Variants in EXOC5 observed in about 807,000 individuals in gnomAD.
The protein encoded by EXOC5 is exocyst complex component 5.
EXOC5 carries 17 observed loss-of-function variants against 90.8 expected under a neutral mutation model. That is an observed-to-expected ratio of 0.19 (90% CI 0.13 to 0.28). The LOEUF is 0.28. Among genes scored for constraint, EXOC5 ranks in the 10% least tolerant of loss-of-function variants. The probability of loss-of-function intolerance (pLI) is 1.00; values close to 1 mark genes in which losing one functional copy is unlikely to be tolerated. For synonymous variants in EXOC5, 260 were observed against 270.0 expected, an observed-to-expected ratio of 0.96 and a Z score of 0.36; for missense variants, 569 against 830.6, an observed-to-expected ratio of 0.69 and a Z score of 3.87.
Position 57,209,866 on chromosome 14 carries a change from A to G in EXOC5, c.1723-84T>C. On this transcript the variant is annotated intron_variant, in intron 16 of 17. Transcript: ENST00000621441. ...AAATACAGTTTCTCATTAATCTTTAAGTATAAAAGAAAAAAATCTAGGGCA... is the reference window on the plus strand; with the variant it reads ...AAATACAGTTTCTCATTAATCTTTAGGTATAAAAGAAAAAAATCTAGGGCA... 4 of 1,242,508 alleles carry G rather than the reference A, an allele frequency of 3.2e-6. No homozygotes were observed. In the East Asian group the frequency reaches 1.0e-4, roughly 31 times the overall value. The allele number at this position is 1,242,508 out of a possible 1,614,324, so 77.0% of individuals were successfully genotyped here. A position where few individuals can be genotyped will look rare whatever the true frequency, so the allele number is the denominator to read the frequency against.
chr14:57,214,474 C>T (rs183718458), intron 15 of EXOC5, among the ~76,000 whole-genome samples: 50 of 151,986 alleles, frequency 3.3e-4, no homozygotes, highest in African/African-American at 9.4e-4. Context: ...AGAATGCTGC[C>T]GGTGGAGATA....
In EXOC5 at chr14:57,232,899, T is replaced by C. The variant is rs1883528209; in HGVS notation, c.856-150A>G. On this transcript the variant is annotated intron_variant, in intron 9 of 17. Transcript: ENST00000621441. ...AAGGCAATTACAGAAAACAAACCAATCATAAAATATTTTAAAACAGGTTTT... is the reference window on the plus strand; with the variant it reads ...AAGGCAATTACAGAAAACAAACCAACCATAAAATATTTTAAAACAGGTTTT... 4 of 506,358 alleles carry C rather than the reference T, an allele frequency of 7.9e-6. No individual in the cohort carries two copies. In the Admixed American group the frequency reaches 1.2e-4, roughly 15 times the overall value. The allele number at this position is 506,358 out of a possible 1,614,324, so 31.4% of individuals were successfully genotyped here.
chr14:57,222,265 G>T, intron 13 of EXOC5, 43 bp downstream of exon 13: 2 of 957,584 alleles, frequency 2.1e-6, no homozygotes, highest in Non-Finnish European at 1.6e-6. Flanking sequence ...TAACCAAGCA[G>T]AATCAAAAGA....
chr14:57,228,504 C>A (rs879693311), intron 12 of EXOC5, among the ~76,000 whole-genome samples: 1 of 152,142 alleles, frequency 6.6e-6, no homozygotes, highest in East Asian at 1.9e-4. Context: ...CACATATATG[C>A]CATGGAATAC....
intron 13 of EXOC5, among the ~76,000 whole-genome samples, chr14:57,220,601 A>C (rs956897036): frequency 2.6e-5 from 4 of 152,038 alleles, no homozygotes; most frequent in Non-Finnish European, 4.4e-5. Flanking sequence ...AGAGTTCAAA[A>C]ACAGTCTAGG....
chr14:57,226,712 G>C (rs1883318939), intron 12 of EXOC5, among the ~76,000 whole-genome samples: 1 of 152,090 alleles, frequency 6.6e-6, no homozygotes, highest in Admixed American at 6.6e-5. Flanking sequence ...TTTTGACAAA[G>C]GTTCTACAGT....
intron 12 of EXOC5, among the ~76,000 whole-genome samples, chr14:57,225,831 T>A (rs1202597465): frequency 6.6e-6 from 1 of 152,212 alleles, no homozygotes; most frequent in East Asian, 1.9e-4. Flanking sequence ...AGGTGTTATG[T>A]ACAGTGGTTC....
At chr14:57,236,287 C>CT (rs746905430) in intron 6 of EXOC5, among the ~76,000 whole-genome samples, 8,765 of 130,338 alleles carry the variant, frequency 0.067, 1,047 homozygotes, top group African/African-American at 0.23. Flanking sequence ...TTTTCATTTT[C>CT]TTTTTTTTTT....
Position 57,203,147 on chromosome 14 carries a change from A to C in EXOC5, c.*5462T>G, listed in dbSNP as rs931780290. 3 of 152,192 alleles carry C rather than the reference A, an allele frequency of 2.0e-5. No individual in the cohort carries two copies. The highest frequency in any genetic ancestry group is 7.2e-5 in the African/African-American group (3 of 41,438). The allele number at this position is 152,192 out of a possible 1,614,324, so 9.4% of individuals were successfully genotyped here. On this transcript the variant is annotated 3_prime_UTR_variant, in exon 18 of 18. Transcript: ENST00000621441. ...TTTATTTTTCTAAAAACAGGGACTCACTATGTTGCCCAGAGTGGTCTTGAA... is the reference window on the plus strand; with the variant it reads ...TTTATTTTTCTAAAAACAGGGACTCCCTATGTTGCCCAGAGTGGTCTTGAA...
chr14:57,257,686 A>T (rs1171055583), intron 1 of EXOC5, among the ~76,000 whole-genome samples: 1 of 152,052 alleles, frequency 6.6e-6, no homozygotes, highest in African/African-American at 2.4e-5. Flanking sequence ...AATAAAAAAT[A>T]AATAAATAAA....
intron 1 of EXOC5, among the ~76,000 whole-genome samples, chr14:57,265,316 CCAAA>C (rs775765923): frequency 6.6e-6 from 1 of 151,806 alleles, no homozygotes; most frequent in Non-Finnish European, 1.5e-5. Context: ...TAATGGTAGC[CCAAA>C]CAGAGAAAAG....
intron 1 of EXOC5, among the ~76,000 whole-genome samples, chr14:57,264,358 T>C (rs1326779548): frequency 6.6e-6 from 1 of 152,206 alleles, no homozygotes; most frequent in African/African-American, 2.4e-5. Context: ...GCTTTTGTAA[T>C]TTAGTTTGAA....
chr14:57,233,726 T>C lies in EXOC5; in HGVS notation c.855+17A>G. ...ATTGCTTTAAGAACTATTTAATTTGTTACTATTTAAAATTACCTGTAGTTT... is the reference window on the plus strand; with the variant it reads ...ATTGCTTTAAGAACTATTTAATTTGCTACTATTTAAAATTACCTGTAGTTT... On this transcript the variant is annotated intron_variant, in intron 9 of 17. Transcript: ENST00000621441. The C allele has an allele frequency of 1.4e-6, 2 of 1,437,290 alleles. No individual in the cohort carries two copies. The highest frequency in any genetic ancestry group is 1.9e-6 in the Non-Finnish European group (2 of 1,034,670). 89.0% of individuals were successfully genotyped at this position (1,437,290 alleles called of 1,614,324 possible). A position where few individuals can be genotyped will look rare whatever the true frequency, so the allele number is the denominator to read the frequency against.
chr14:57,247,553 A>C, intron 2 of EXOC5, 65 bp downstream of exon 2: 1 of 681,128 alleles, frequency 1.5e-6, no homozygotes, highest in East Asian at 3.0e-5. Flanking sequence ...CTCAACAGTC[A>C]TCTCTATTCT....
chr14:57,262,945 T>TAG (rs1884559748), intron 1 of EXOC5, among the ~76,000 whole-genome samples: 1 of 152,092 alleles, frequency 6.6e-6, no homozygotes, highest in African/African-American at 2.4e-5. Flanking sequence ...ACCATTGAAT[T>TAG]AGGTTAGACT....
chr14:57,250,222 A>G (rs1015814022), intron 1 of EXOC5, among the ~76,000 whole-genome samples: 3 of 152,168 alleles, frequency 2.0e-5, no homozygotes, highest in African/African-American at 7.2e-5. Context: ...AATCCATGAA[A>G]AGAGGCCAGT....
At chr14:57,214,511 T>A (rs1882918852) in intron 15 of EXOC5, among the ~76,000 whole-genome samples, 2 of 151,914 alleles carry the variant, frequency 1.3e-5, no homozygotes, top group Admixed American at 1.3e-4. Flanking sequence ...TGGCCAAGGT[T>A]GGGAAAAACA....
rs956465872 is a variant in EXOC5, at chr14:57,206,693, T to G, written c.*1916A>C. 2 of 152,352 alleles carry G rather than the reference T, an allele frequency of 1.3e-5. No homozygotes were observed. The highest frequency in any genetic ancestry group is 2.9e-5 in the Non-Finnish European group (2 of 67,890). The allele number at this position is 152,352 out of a possible 1,614,324, so 9.4% of individuals were successfully genotyped here. A position where few individuals can be genotyped will look rare whatever the true frequency, so the allele number is the denominator to read the frequency against. On this transcript the variant is annotated 3_prime_UTR_variant, in exon 18 of 18. Coordinates refer to ENST00000621441, the MANE Select transcript of EXOC5 (RefSeq NM_006544.4). ...CTATCAACGGACATAATAGAAAATA[T>G]TGCACAGAACTCAAACATGAAAATA... is the stretch of plus-strand genomic sequence containing the variant.
At chr14:57,260,980 G>C (rs1015991009) in intron 1 of EXOC5, among the ~76,000 whole-genome samples, 1 of 152,134 alleles carries the variant, frequency 6.6e-6, no homozygotes, top group Non-Finnish European at 1.5e-5. Flanking sequence ...TTAAACAAGT[G>C]AAAGAATCAT....
Sources: gnomAD v4.1 joint callset for allele counts (sites outside exome capture counted in the v4.1 genomes callset) on GRCh38, gnomAD v4.1.1 for gene constraint, MANE v1.5 for transcripts, NCBI Gene and HGNC (gene_info 2026-07-23, HGNC 2026-07-21) for gene names.